The following PCP4 variants were observed in gnomAD, a reference collection of about 807,000 sequenced individuals.
PCP4 encodes the protein Purkinje cell protein 4.
PCP4 carries 8 observed loss-of-function variants against 10.0 expected under a neutral mutation model. That is an observed-to-expected ratio of 0.80 (90% CI 0.47 to 1.45). The LOEUF is 1.45. Ranked by LOEUF, PCP4 falls within the 40% of genes most tolerant of loss-of-function variation. The probability of loss-of-function intolerance (pLI) is 0.00; values close to 1 mark genes in which losing one functional copy is unlikely to be tolerated. For synonymous variants in PCP4, 21 were observed against 23.0 expected (o/e 0.91, Z 0.24); for missense variants, 54 against 74.4 (o/e 0.73, Z 1.01).
chr21:39,906,016 C>G lies in PCP4; in HGVS notation c.61+7489C>G, dbSNP rs368979460. ...AGTGAGCCGAGACCATGCCACTGCA[C>G]TCCAACCTGGGTGACAGAGCGAGAC... On this transcript the variant is annotated intron_variant, in intron 2 of 2. Coordinates refer to ENST00000328619, the MANE Select transcript of PCP4 (RefSeq NM_006198.3). The surrounding 1 kb of genome is among the most constrained non-coding windows in gnomAD (Gnocchi z 6.3). Among the ~76,000 whole-genome samples, 21 of 152,352 alleles carry G rather than the reference C, an allele frequency of 1.4e-4. No individual in the cohort carries two copies. The highest frequency in any genetic ancestry group is 7.7e-4 in the East Asian group (4 of 5,180).
chr21:39,871,671 A>G (rs1174250023), intron 1 of PCP4, among the ~76,000 whole-genome samples: 1 of 149,514 alleles, frequency 6.7e-6, no homozygotes, highest in African/African-American at 2.4e-5. Flanking sequence ...TTTGAAGTTC[A>G]ACTTTTCCTA....
chr21:39,884,666 A>G (rs2087391317), intron 1 of PCP4, among the ~76,000 whole-genome samples: 1 of 151,560 alleles, frequency 6.6e-6, no homozygotes, highest in African/African-American at 2.4e-5. Flanking sequence ...GCGTGGTGGC[A>G]TGTGCCTGTA....
intron 2 of PCP4, among the ~76,000 whole-genome samples, chr21:39,913,226 G>A (rs533344582): frequency 6.6e-5 from 9 of 135,846 alleles, no homozygotes; most frequent in Admixed American, 2.3e-4. Context: ...GCCTGGCCAT[G>A]AGCTCTTAAG....
chr21:39,912,897 G>T lies in PCP4; in HGVS notation c.61+14370G>T, dbSNP rs1456701102. 2.6e-5 allele frequency among the ~76,000 whole-genome samples: 4 copies of T among 152,054 alleles called. No individual in the cohort carries two copies. In the East Asian group the frequency reaches 7.7e-4, roughly 29 times the overall value. On this transcript the variant is annotated intron_variant, in intron 2 of 2. Transcript: ENST00000328619. ...GATAACTTATTTTTTGAAGAGATGA[G>T]GTCTAACTATGTTGCGCAGGCTGGT... is the stretch of plus-strand genomic sequence containing the variant.
intron 2 of PCP4, among the ~76,000 whole-genome samples, chr21:39,919,380 C>A (rs1055117040): frequency 6.6e-6 from 1 of 152,174 alleles, no homozygotes; most frequent in Admixed American, 6.5e-5. Context: ...ATTACAATAC[C>A]CCAATTGCAA....
chr21:39,886,227 G>A (rs1162837768), intron 1 of PCP4, among the ~76,000 whole-genome samples: 1 of 152,154 alleles, frequency 6.6e-6, no homozygotes, highest in Non-Finnish European at 1.5e-5. Context: ...CTGCAAAAGT[G>A]GTAGTAGCTC....
intron 1 of PCP4, among the ~76,000 whole-genome samples, chr21:39,882,882 C>T (rs2037917): frequency 1.3e-5 from 2 of 152,340 alleles, no homozygotes; most frequent in East Asian, 3.9e-4. Context: ...GAAATCGAAT[C>T]TCTTCTATTC....
chr21:39,922,659 G>A (rs2087601895), intron 2 of PCP4, among the ~76,000 whole-genome samples: 4 of 152,268 alleles, frequency 2.6e-5, no homozygotes, highest in Admixed American at 2.6e-4. Flanking sequence ...GGTTTAATGA[G>A]GTTTCTGCTC....
chr21:39,912,412 A>C (rs976301932), intron 2 of PCP4, among the ~76,000 whole-genome samples: 7 of 152,124 alleles, frequency 4.6e-5, no homozygotes, highest in African/African-American at 1.4e-4. Flanking sequence ...TCTTGAAAAG[A>C]ATAAAAGTAA....
rs746686736 is a variant in PCP4 at position 39,898,513 on chromosome 21, C to T, written c.47C>T (p.Thr16Ile). 3 of 1,613,908 alleles carry T rather than the reference C, an allele frequency of 1.9e-6. No homozygotes were observed. The highest frequency in any genetic ancestry group is 1.1e-5 in the South Asian group (1 of 91,074). ...GAGATNGKDK[T>I]SGENDGQKKV... ...GGGGCAACCAATGGAAAAGACAAGA[C>T]ATCTGGTGAAAATGGTAAGAGGACA... Residue 16 changes from threonine to isoleucine, a missense_variant, in exon 2 of 3, where the codon ACA (threonine) becomes ATA (isoleucine). Physicochemically the swap from Thr to Ile is moderately conservative, Grantham distance 89. Coordinates refer to ENST00000328619, the MANE Select transcript of PCP4 (RefSeq NM_006198.3).
chr21:39,898,596 C>A lies in PCP4; in HGVS notation c.61+69C>A, dbSNP rs2075719. 71,999 of 1,195,154 alleles carry A rather than the reference C, an allele frequency of 0.06. 2,558 individuals are homozygous for A. Among genetic ancestry groups the A allele is most frequent in the South Asian group, 0.071 (5,790 of 81,288 alleles). 74.0% of individuals were successfully genotyped at this position (1,195,154 alleles called of 1,614,324 possible). ...TGCAGCCCTGGGTATGCAGCAGGTGCGGATCATACATCCCATCCCAAACAG... is the reference window on the plus strand; with the variant it reads ...TGCAGCCCTGGGTATGCAGCAGGTGAGGATCATACATCCCATCCCAAACAG... On this transcript the variant is annotated intron_variant, in intron 2 of 2. Transcript: ENST00000328619.
At chr21:39,870,596 G>A (rs918213041) in intron 1 of PCP4, among the ~76,000 whole-genome samples, 8 of 152,246 alleles carry the variant, frequency 5.3e-5, no homozygotes, top group East Asian at 1.9e-4. Context: ...TCAGTCCCAC[G>A]TTCTCCTTTA....
chr21:39,900,290 C>T (rs1322967109), intron 2 of PCP4, among the ~76,000 whole-genome samples: 1 of 152,146 alleles, frequency 6.6e-6, no homozygotes, highest in African/African-American at 2.4e-5. Context: ...CCGCCTCGGC[C>T]CCCCAAAGTG....
intron 2 of PCP4, among the ~76,000 whole-genome samples, chr21:39,912,494 C>T (rs2087545016): frequency 6.6e-6 from 1 of 151,956 alleles, no homozygotes; most frequent in South Asian, 2.1e-4. Context: ...AGGGCAGGAG[C>T]CTTGCTTTCC....
Position 39,904,997 on chromosome 21 carries a change from A to C in PCP4, c.61+6470A>C, listed in dbSNP as rs914466178. Among the ~76,000 whole-genome samples, 26 of 152,320 alleles carry C rather than the reference A, an allele frequency of 1.7e-4. 2 individuals are homozygous for C. Among genetic ancestry groups the C allele is most frequent in the Admixed American group, 9.8e-4 (15 of 15,304 alleles). On this transcript the variant is annotated intron_variant, in intron 2 of 2. Coordinates refer to ENST00000328619, the MANE Select transcript of PCP4 (RefSeq NM_006198.3). ...AGCACTGGCTGTGAAAAAAGCACCT[A>C]CCTAAAGTCATTAATGTCTAAGGTG...
rs142044386 is a variant in PCP4 at position 39,886,363 on chromosome 21, C to T, written c.10-12113C>T. ...TTGAATAAACAAGTGGCTTATTTTA[C>T]TAAAATACAAATCTACTAAATACAC... On this transcript the variant is annotated intron_variant, in intron 1 of 2. Coordinates refer to ENST00000328619, the MANE Select transcript of PCP4 (RefSeq NM_006198.3). Among the ~76,000 whole-genome samples the T allele has an allele frequency of 1.7e-3, 260 of 152,276 alleles. 3 individuals carry two copies. Among genetic ancestry groups the T allele is most frequent in the African/African-American group, 6.1e-3 (252 of 41,554 alleles).
intron 2 of PCP4, among the ~76,000 whole-genome samples, chr21:39,928,099 A>G (rs1048468718): frequency 1.3e-5 from 2 of 151,914 alleles, no homozygotes; most frequent in Non-Finnish European, 2.9e-5. Context: ...TACATGAGTA[A>G]GTTCTTCAGT....
intron 2 of PCP4, among the ~76,000 whole-genome samples, chr21:39,917,906 A>T (rs2087576932): frequency 6.6e-6 from 1 of 152,140 alleles, no homozygotes; most frequent in Admixed American, 6.5e-5. Context: ...CTGGGCCCTC[A>T]TCCAGTCTGG....
chr21:39,874,937 CA>C (rs2087338096), intron 1 of PCP4, among the ~76,000 whole-genome samples: 1 of 152,118 alleles, frequency 6.6e-6, no homozygotes, highest in South Asian at 2.1e-4. Flanking sequence ...ATACGCTGGG[CA>C]GATGAATGAT....
Sources: gnomAD v4.1 joint callset for allele counts (sites outside exome capture counted in the v4.1 genomes callset) on GRCh38, gnomAD v4.1.1 for gene constraint, Gnocchi (gnomAD v3.1) non-coding constraint, MANE v1.5 for transcripts, NCBI Gene and HGNC (gene_info 2026-07-23, HGNC 2026-07-21) for gene names.